The following GLB1 variants were observed in gnomAD, a reference collection of about 807,000 sequenced individuals.
GLB1 encodes the protein beta-galactosidase.
In GLB1, 56 loss-of-function variants were observed where a neutral mutation model predicts 74.0. The ratio of observed to expected loss-of-function variants is 0.76; its 90% confidence interval spans 0.61 to 0.94. The LOEUF (loss-of-function observed/expected upper bound fraction) is 0.94. GLB1 is among the 40% of genes least tolerant of loss of function. The probability of loss-of-function intolerance (pLI) is 0.00; values close to 1 mark genes in which losing one functional copy is unlikely to be tolerated. For missense variants in GLB1, 787 were observed against 845.5 expected (o/e 0.93, Z 0.86); for synonymous variants, 323 against 323.6 (o/e 1.00, Z 0.02).
At chr3:32,967,942 C>T in the GLB1 span, among the ~76,000 whole-genome samples, 1 of 152,134 alleles carries the variant, frequency 6.6e-6, no homozygotes, top group Non-Finnish European at 1.5e-5. Flanking sequence ...AAGCCTGTCC[C>T]ATAAGGACAA....
At chr3:33,001,212 T>TCC (rs1696553087) in intron 15 of GLB1, among the ~76,000 whole-genome samples, 1 of 147,210 alleles carries the variant, frequency 6.8e-6, no homozygotes, top group Non-Finnish European at 1.5e-5. Flanking sequence ...CCTTCCTGTC[T>TCC]TCTCTCTTCT....
the GLB1 span, among the ~76,000 whole-genome samples, chr3:32,989,762 G>C: frequency 6.6e-6 from 1 of 152,174 alleles, no homozygotes; most frequent in African/African-American, 2.4e-5. Flanking sequence ...GTGGGATTTG[G>C]AGGCAAGAGA....
At chr3:33,018,767 G>A (rs1341314185) in intron 12 of GLB1, among the ~76,000 whole-genome samples, 1 of 152,102 alleles carries the variant, frequency 6.6e-6, no homozygotes, top group East Asian at 1.9e-4. Context: ...AAACTGCAAG[G>A]AACCATGAAC....
At chr3:33,079,310 C>T (rs573669231) in intron 1 of GLB1, among the ~76,000 whole-genome samples, 2 of 152,116 alleles carry the variant, frequency 1.3e-5, no homozygotes, top group Admixed American at 6.5e-5. Flanking sequence ...TCAAATGGTA[C>T]GTTTAAGATA....
rs573518891 is a variant in GLB1 at position 33,049,610 on chromosome 3, G to A, written c.955+2148C>T. On this transcript the variant is annotated intron_variant, in intron 9 of 15. Coordinates refer to ENST00000307363, the MANE Select transcript of GLB1 (RefSeq NM_000404.4). ...TTTTTGTATCTTTAGTAGAGACAAG[G>A]TTTCACCATGTTGGCCAGGCTGGTC... is the stretch of plus-strand genomic sequence containing the variant. Among the ~76,000 whole-genome samples the A allele has an allele frequency of 5.4e-3, 822 of 152,176 alleles. 7 individuals are homozygous for A. Among genetic ancestry groups the A allele is most frequent in the South Asian group, 0.011 (54 of 4,820 alleles).
intron 10 of GLB1, among the ~76,000 whole-genome samples, chr3:33,024,703 T>C (rs1697658379): frequency 6.6e-6 from 1 of 152,212 alleles, no homozygotes. Flanking sequence ...ATTAATCTTA[T>C]TGCTAAAGTT....
At position 33,051,615 on chromosome 3, in the gene GLB1, A is replaced by AAAAG; in HGVS notation, c.955+142_955+143insCTTT. ...GTGAGACTGTCTACAAAAAAAAAAA[A>AAAAG]AAAAGAAAAAGAAAAAAAAAGAAAA... On this transcript the variant is annotated intron_variant, in intron 9 of 15. Coordinates refer to ENST00000307363, the MANE Select transcript of GLB1 (RefSeq NM_000404.4). The AAAAG allele has an allele frequency of 3.2e-4, 380 of 1,176,088 alleles. 4 individuals carry two copies. In the East Asian group the frequency reaches 7.0e-3, roughly 22 times the overall value. 72.9% of individuals were successfully genotyped at this position (1,176,088 alleles called of 1,614,324 possible).
At chr3:33,037,970 G>A (rs1390032775) in intron 10 of GLB1, 1 of 119,366 alleles carries the variant, frequency 8.4e-6, no homozygotes, top group Non-Finnish European at 1.6e-5. Flanking sequence ...TCTCTCCAAA[G>A]CTTCTCCAAT....
At chr3:33,092,160 C>A in intron 1 of GLB1, 1 of 985,706 alleles carries the variant, frequency 1.0e-6, no homozygotes, top group Non-Finnish European at 1.2e-6. Context: ...CCGTTCTTCT[C>A]CCCTGACCTT....
chr3:32,997,421 G>C, intron 15 of GLB1, 77 bp from the exon 16 acceptor site: 1 of 1,593,426 alleles, frequency 6.3e-7, no homozygotes, highest in East Asian at 2.3e-5. Flanking sequence ...CCTGATGTAG[G>C]GCAGGCCAGC....
Position 33,093,024 on chromosome 3 carries a change from TGCCCAGAAA to T in GLB1, c.75+3978_75+3986del. The stretch of plus-strand genomic sequence containing the variant: ...GGGGAAGATCTGCCCAGCATGTGTG[TGCCCAGAAA>T]GGATCAGGTTAATATCTGGCCGAGC... On this transcript the variant is annotated intron_variant, in intron 1 of 15. Transcript: ENST00000307363. This position sits in a 1 kb window ranked among gnomAD's most constrained non-coding sequence, Gnocchi z 6.0. 6.2e-7 allele frequency: 1 copy of T among 1,614,222 alleles called. No homozygotes were observed.
chr3:33,033,902 G>A, intron 10 of GLB1: 2 of 537,042 alleles, frequency 3.7e-6, no homozygotes, highest in Admixed American at 2.0e-5. Context: ...CTCCCATAAG[G>A]ATATGATTTA....
the GLB1 span, among the ~76,000 whole-genome samples, chr3:32,977,472 T>G: frequency 6.6e-6 from 1 of 152,038 alleles, no homozygotes; most frequent in Non-Finnish European, 1.5e-5. Flanking sequence ...CCTCCCAAAG[T>G]GCTGGGATTA....
chr3:32,976,517 G>T, the GLB1 span, among the ~76,000 whole-genome samples: 3 of 152,188 alleles, frequency 2.0e-5, no homozygotes, highest in African/African-American at 7.2e-5. Context: ...TGGCCCCGAA[G>T]CCTTATTTTC....
At chr3:33,050,816 A>G (rs552474891) in intron 9 of GLB1, among the ~76,000 whole-genome samples, 1 of 152,358 alleles carries the variant, frequency 6.6e-6, no homozygotes, top group African/African-American at 2.4e-5. Flanking sequence ...CGTTAAAAGA[A>G]AGAGACCACA....
the GLB1 span, among the ~76,000 whole-genome samples, chr3:32,970,883 G>C: frequency 6.6e-6 from 1 of 152,192 alleles, no homozygotes; most frequent in East Asian, 1.9e-4. Context: ...AAATCGGAGA[G>C]AGAAAAAGAA....
intron 1 of GLB1, chr3:33,091,408 G>A (rs1700756157): frequency 8.1e-6 from 8 of 985,394 alleles, no homozygotes; most frequent in Non-Finnish European, 9.6e-6. Flanking sequence ...AGCAGTTGCT[G>A]CTTTGACACA....
Position 33,017,628 on chromosome 3 carries a change from C to T in GLB1, c.1348-788G>A, listed in dbSNP as rs188397093. On this transcript the variant is annotated intron_variant, in intron 13 of 15. Coordinates refer to ENST00000307363, the MANE Select transcript of GLB1 (RefSeq NM_000404.4). The stretch of plus-strand genomic sequence containing the variant: ...CATTTCGGTGAGAGGACTGGAAGTC[C>T]TGAAATGCATCTGCTTTTGTTATGA... Among the ~76,000 whole-genome samples, 29 of 152,278 alleles carry T rather than the reference C, an allele frequency of 1.9e-4. No homozygotes were observed. The East Asian group carries it at 5.2e-3, about 27-fold the overall frequency.
At chr3:33,006,979 T>C (rs1315715753) in intron 15 of GLB1, among the ~76,000 whole-genome samples, 1 of 152,186 alleles carries the variant, frequency 6.6e-6, no homozygotes, top group East Asian at 1.9e-4. Flanking sequence ...AACGTGCTCA[T>C]TCTTTCAAAT....
Sources: allele counts gnomAD v4.1 joint callset (sites outside exome capture counted in the v4.1 genomes callset), GRCh38; gene constraint gnomAD v4.1.1; non-coding constraint Gnocchi (gnomAD v3.1); transcripts MANE v1.5; gene names NCBI Gene and HGNC (gene_info 2026-07-23, HGNC 2026-07-21).